TIAM2: variants seen among roughly 807,000 people sequenced by gnomAD.
TIAM2 encodes the protein rho guanine nucleotide exchange factor TIAM2.
Under a neutral mutation model 152.9 loss-of-function variants are expected in TIAM2, and 80 were observed. The observed-to-expected ratio is 0.52, with a 90% CI of 0.44 to 0.63. The LOEUF is 0.63. TIAM2 is among the 30% of genes least tolerant of loss of function. TIAM2 has a pLI of 0.00. For missense variants in TIAM2, 1,965 were observed against 2,120.1 expected, an observed-to-expected ratio of 0.93 and a Z score of 1.44; for synonymous variants, 804 against 838.0, an observed-to-expected ratio of 0.96 and a Z score of 0.70.
At chr6:155,075,497 G>C (rs1466002428) in intron 1 of TIAM2, among the ~76,000 whole-genome samples, 1 of 152,092 alleles carries the variant, frequency 6.6e-6, no homozygotes, top group Non-Finnish European at 1.5e-5. Context: ...TTTTGAATGA[G>C]GTGAGAACAA....
intron 1 of TIAM2, among the ~76,000 whole-genome samples, chr6:155,044,964 G>A (rs7762675): frequency 0.43 from 65,102 of 151,624 alleles, 14,758 homozygotes; most frequent in Middle Eastern, 0.51. Context: ...TTATTTCTCC[G>A]ATCCATTGGT....
chr6:155,074,028 T>G (rs1777901200), intron 1 of TIAM2, among the ~76,000 whole-genome samples: 1 of 152,202 alleles, frequency 6.6e-6, no homozygotes. Flanking sequence ...GCCAAGATAC[T>G]GATTTGTGAT....
At chr6:155,178,213 G>A (rs1367498876) in intron 10 of TIAM2, among the ~76,000 whole-genome samples, 1 of 147,642 alleles carries the variant, frequency 6.8e-6, no homozygotes, top group Non-Finnish European at 1.5e-5. Flanking sequence ...ATTTGACCCA[G>A]TTAGAGCATA....
chr6:155,070,506 C>T (rs935620299), intron 1 of TIAM2, among the ~76,000 whole-genome samples: 18 of 152,058 alleles, frequency 1.2e-4, no homozygotes, highest in African/African-American at 3.6e-4. Flanking sequence ...CATGAGCCAC[C>T]GTGCCTGGCC....
At chr6:155,201,803 T>G (rs1218633038) in intron 14 of TIAM2, among the ~76,000 whole-genome samples, 1 of 152,252 alleles carries the variant, frequency 6.6e-6, no homozygotes, top group Non-Finnish European at 1.5e-5. Flanking sequence ...AGCCTGCTAT[T>G]AAGAAACATT....
intron 15 of TIAM2, among the ~76,000 whole-genome samples, chr6:155,230,344 C>G (rs918028366): frequency 1.3e-5 from 2 of 152,264 alleles, no homozygotes; most frequent in African/African-American, 4.8e-5. Flanking sequence ...ATTCCTGACA[C>G]ACTCTGTGCT....
At chr6:155,201,885 AT>A (rs759741922) in intron 14 of TIAM2, among the ~76,000 whole-genome samples, 5 of 152,224 alleles carry the variant, frequency 3.3e-5, no homozygotes, top group Non-Finnish European at 7.3e-5. Context: ...AACATCACCA[AT>A]TGGAATGTGA....
intron 1 of TIAM2, among the ~76,000 whole-genome samples, chr6:155,021,844 A>G (rs1454038211): frequency 6.6e-6 from 1 of 152,176 alleles, no homozygotes; most frequent in Non-Finnish European, 1.5e-5. Context: ...CAGTCTGGTC[A>G]TGCATTTATT....
chr6:155,046,990 T>G (rs898874727), intron 1 of TIAM2, among the ~76,000 whole-genome samples: 8 of 152,308 alleles, frequency 5.3e-5, no homozygotes, highest in African/African-American at 1.9e-4. Context: ...ATGTTTGGGG[T>G]AAGGAAGCGA....
intron 1 of TIAM2, among the ~76,000 whole-genome samples, chr6:155,037,180 T>C (rs1776938709): frequency 6.6e-6 from 1 of 152,182 alleles, no homozygotes; most frequent in South Asian, 2.1e-4. Context: ...AAATGTTCAA[T>C]GTAGGTAAAT....
chr6:154,999,969 G>A (rs950562066), intron 1 of TIAM2, among the ~76,000 whole-genome samples: 3 of 151,960 alleles, frequency 2.0e-5, no homozygotes, highest in South Asian at 2.1e-4. Context: ...GAGCCACCGC[G>A]CCCAACCTCT....
intron 15 of TIAM2, among the ~76,000 whole-genome samples, chr6:155,232,070 G>C (rs1782498834): frequency 6.6e-6 from 1 of 151,292 alleles, no homozygotes; most frequent in African/African-American, 2.4e-5. Context: ...GATAGAGTGA[G>C]ACTCTGTCTC....
intron 1 of TIAM2, among the ~76,000 whole-genome samples, chr6:155,088,929 T>C (rs570903483): frequency 6.6e-6 from 1 of 152,346 alleles, no homozygotes; most frequent in African/African-American, 2.4e-5. Context: ...CCCTAAAGTC[T>C]GCATTCTTTA....
intron 2 of TIAM2, among the ~76,000 whole-genome samples, chr6:155,116,710 G>A (rs1424956510): frequency 1.3e-5 from 2 of 152,150 alleles, no homozygotes; most frequent in African/African-American, 4.8e-5. Context: ...TGCAGTCTGA[G>A]ATTCCAGCGC....
chr6:155,050,952 G>A (rs1012333026), intron 1 of TIAM2, among the ~76,000 whole-genome samples: 2 of 152,130 alleles, frequency 1.3e-5, no homozygotes, highest in African/African-American at 4.8e-5. Flanking sequence ...TTCTCAAGAT[G>A]TAACAGAATT....
intron 15 of TIAM2, chr6:155,232,382 A>G (rs978670739): frequency 2.6e-5 from 4 of 152,114 alleles, no homozygotes; most frequent in African/African-American, 7.2e-5. Flanking sequence ...CAGCCTCCCC[A>G]TGCCTTCCAG....
At chr6:155,234,507 A>G (rs1782643989) in intron 15 of TIAM2, among the ~76,000 whole-genome samples, 1 of 152,180 alleles carries the variant, frequency 6.6e-6, no homozygotes, top group Admixed American at 6.5e-5. Flanking sequence ...GGCTCAAGCC[A>G]TCCTCCTGAC....
At chr6:155,088,040 TTTTC>T (rs1409211350) in intron 1 of TIAM2, among the ~76,000 whole-genome samples, 10 of 150,772 alleles carry the variant, frequency 6.6e-5, no homozygotes, top group East Asian at 3.9e-4. Flanking sequence ...GTGTATTTCT[TTTTC>T]TTTCTTTCTT....
In TIAM2 at chr6:155,240,653, G is replaced by C. The variant is rs1562367834; in HGVS notation, c.3292G>C (p.Asp1098His). 2 of 1,613,972 alleles carry C rather than the reference G, an allele frequency of 1.2e-6. No individual in the cohort carries two copies. Among genetic ancestry groups the C allele is most frequent in the South Asian group, 1.1e-5 (1 of 91,088 alleles). ...RSLARHLSDADRLRKVIQELV... is the reference protein window; with the variant it reads ...RSLARHLSDAHRLRKVIQELV... ...TCTGGCCCGCCACCTGTCTGATGCA[G>C]ACCGCCTCCGCAAAGTCATCCAGGA... is the stretch of plus-strand genomic sequence containing the variant. Residue 1098 changes from aspartate to histidine, a missense_variant, in exon 16 of 27, where the codon GAC becomes CAC. This residue lies in a region of TIAM2 where 935 missense variants were observed against 980.0 expected (regional missense o/e 0.95). Coordinates refer to ENST00000682666, the MANE Select transcript of TIAM2 (RefSeq NM_012454.4).
Sources: gnomAD v4.1 joint callset for allele counts (sites outside exome capture counted in the v4.1 genomes callset) on GRCh38, gnomAD v4.1.1 for gene constraint, gnomAD v4.1.1 regional missense constraint, MANE v1.5 for transcripts, NCBI Gene and HGNC (gene_info 2026-07-23, HGNC 2026-07-21) for gene names.